The following NLGN1 variants were observed in gnomAD, a reference collection of about 807,000 sequenced individuals.
NLGN1 encodes the protein neuroligin 1, also known as neuroligin-1.
Under a neutral mutation model 65.5 loss-of-function variants are expected in NLGN1, and 12 were observed. The ratio of observed to expected loss-of-function variants is 0.18; its 90% CI spans 0.12 to 0.30. NLGN1 has a LOEUF of 0.30. NLGN1 is among the 10% of genes least tolerant of loss of function. The pLI is 1.00. For missense variants in NLGN1, 750 were observed against 1,007.1 expected (o/e 0.74, Z 3.46); for synonymous variants, 350 against 359.5 (o/e 0.97, Z 0.30).
At chr3:173,496,827 T>A (rs760353448) in intron 2 of NLGN1, among the ~76,000 whole-genome samples, 35 of 152,022 alleles carry the variant, frequency 2.3e-4, no homozygotes, top group Middle Eastern at 6.8e-3. Flanking sequence ...GAGATCTTAT[T>A]ATTAATATTT....
rs114134524 is a variant in NLGN1 at position 174,056,118 on chromosome 3, C to A, written c.647-219197C>A. On this transcript the variant is annotated intron_variant, in intron 4 of 6. Transcript: ENST00000457714. ...CCCTTTAAAGATGTATAACCTAAAGCTTAGAGGGGTTAAGTAACTTGTCCA... is the reference window on the plus strand; with the variant it reads ...CCCTTTAAAGATGTATAACCTAAAGATTAGAGGGGTTAAGTAACTTGTCCA... 7.9e-3 allele frequency among the ~76,000 whole-genome samples: 1,201 copies of A among 152,098 alleles called. 15 individuals are homozygous for A. The highest frequency in any genetic ancestry group is 0.027 in the African/African-American group (1,137 of 41,536).
intron 2 of NLGN1, among the ~76,000 whole-genome samples, chr3:173,492,434 A>T (rs1729334865): frequency 6.6e-6 from 1 of 151,816 alleles, no homozygotes; most frequent in African/African-American, 2.4e-5. Context: ...AATACTGCAG[A>T]TATATATTTC....
intron 4 of NLGN1, among the ~76,000 whole-genome samples, chr3:173,942,176 T>A (rs938152879): frequency 6.6e-6 from 1 of 151,654 alleles, no homozygotes. Flanking sequence ...ATATAATATG[T>A]GTATATATAT....
chr3:173,445,267 C>CAAAAAAA (rs60140480), intron 2 of NLGN1, among the ~76,000 whole-genome samples: 18 of 103,488 alleles, frequency 1.7e-4, no homozygotes, highest in African/African-American at 5.5e-4. Flanking sequence ...GACTCCGTCT[C>CAAAAAAA]AAAAAAAAAA....
intron 4 of NLGN1, among the ~76,000 whole-genome samples, chr3:174,005,825 A>G (rs1324609652): frequency 1.3e-5 from 2 of 152,052 alleles, no homozygotes; most frequent in East Asian, 3.9e-4. Flanking sequence ...TAGATAAAAT[A>G]TGTCGTCTAT....
intron 4 of NLGN1, among the ~76,000 whole-genome samples, chr3:173,969,486 G>A (rs560826001): frequency 4.0e-5 from 6 of 151,858 alleles, no homozygotes; most frequent in Non-Finnish European, 8.8e-5. Context: ...AAATATAGTG[G>A]GCACTATCCA....
chr3:173,520,850 T>G (rs12491889), intron 2 of NLGN1, among the ~76,000 whole-genome samples: 87,038 of 152,106 alleles, frequency 0.57, 25,480 homozygotes, highest in East Asian at 0.87. Flanking sequence ...ACTAGAATTA[T>G]TGAATACAAT....
chr3:174,224,424 C>T (rs571535534), intron 4 of NLGN1, among the ~76,000 whole-genome samples: 166 of 152,280 alleles, frequency 1.1e-3, no homozygotes, highest in African/African-American at 3.6e-3. Context: ...TCTGGCCGGG[C>T]GTGATGGCTC....
At chr3:173,955,504 T>C (rs1026185566) in intron 4 of NLGN1, among the ~76,000 whole-genome samples, 2 of 152,124 alleles carry the variant, frequency 1.3e-5, no homozygotes, top group East Asian at 3.9e-4. Context: ...CCATGGTAAA[T>C]ACACCTCCAG....
chr3:174,206,075 T>G (rs2152782382), intron 4 of NLGN1, among the ~76,000 whole-genome samples: 1 of 152,306 alleles, frequency 6.6e-6, no homozygotes, highest in African/African-American at 2.4e-5. Context: ...ATACTTCAAT[T>G]ATTAAAGTCC....
chr3:173,701,457 A>G (rs1767151111), intron 3 of NLGN1, among the ~76,000 whole-genome samples: 1 of 152,178 alleles, frequency 6.6e-6, no homozygotes, highest in South Asian at 2.1e-4. Flanking sequence ...TAGATGCCAC[A>G]AATGATAAGA....
intron 4 of NLGN1, among the ~76,000 whole-genome samples, chr3:174,224,248 A>G (rs959581139): frequency 1.3e-5 from 2 of 152,188 alleles, no homozygotes; most frequent in African/African-American, 2.4e-5. Flanking sequence ...ACTAATTACT[A>G]TATCATACAG....
chr3:173,462,419 A>G (rs1216837790), intron 2 of NLGN1, among the ~76,000 whole-genome samples: 2 of 105,968 alleles, frequency 1.9e-5, no homozygotes, highest in Non-Finnish European at 4.2e-5. Context: ...TACTACCCCC[A>G]TCCTCCTCAA....
At chr3:174,170,089 G>T (rs568457229) in intron 4 of NLGN1, among the ~76,000 whole-genome samples, 13 of 152,062 alleles carry the variant, frequency 8.5e-5, no homozygotes, top group African/African-American at 2.4e-4. Context: ...CAAGCTTTGG[G>T]GTATCCTTCA....
At chr3:174,265,524 C>A (rs956059145) in intron 4 of NLGN1, among the ~76,000 whole-genome samples, 2 of 151,930 alleles carry the variant, frequency 1.3e-5, no homozygotes, top group African/African-American at 2.4e-5. Flanking sequence ...GGCAATGCCT[C>A]GCCCTGTTTC....
At chr3:173,962,111 A>G (rs1713722891) in intron 4 of NLGN1, among the ~76,000 whole-genome samples, 1 of 152,128 alleles carries the variant, frequency 6.6e-6, no homozygotes, top group Non-Finnish European at 1.5e-5. Context: ...GTTTTTGAAA[A>G]TCAAACACAA....
At chr3:174,170,823 T>C (rs1315168165) in intron 4 of NLGN1, among the ~76,000 whole-genome samples, 1 of 152,230 alleles carries the variant, frequency 6.6e-6, no homozygotes, top group African/African-American at 2.4e-5. Context: ...ATGTGCATTT[T>C]AGTTCTTCAA....
At chr3:173,765,763 C>T (rs1778696129) in intron 3 of NLGN1, among the ~76,000 whole-genome samples, 1 of 152,170 alleles carries the variant, frequency 6.6e-6, no homozygotes, top group African/African-American at 2.4e-5. Context: ...TTGTTTCTCA[C>T]ACTTTTATTG....
At chr3:173,686,939 C>G (rs1405157451) in intron 3 of NLGN1, among the ~76,000 whole-genome samples, 1 of 151,210 alleles carries the variant, frequency 6.6e-6, no homozygotes, top group East Asian at 1.9e-4. Flanking sequence ...GGTGACAGAG[C>G]AAGACTCCGT....
Sources: allele counts gnomAD v4.1 joint callset (sites outside exome capture counted in the v4.1 genomes callset), GRCh38; gene constraint gnomAD v4.1.1; transcripts MANE v1.5; gene names NCBI Gene and HGNC (gene_info 2026-07-23, HGNC 2026-07-21).